Variants in TIAM1 observed in about 807,000 individuals in gnomAD.
TIAM1 encodes TIAM Rac1 associated GEF 1, also known as rho guanine nucleotide exchange factor TIAM1.
Under a neutral mutation model 163.5 loss-of-function variants are expected in TIAM1, and 65 were observed. That is an observed-to-expected ratio of 0.40 (90% CI 0.33 to 0.49). The LOEUF is 0.49. Ranked by LOEUF, TIAM1 falls within the 20% of genes least tolerant of loss-of-function variation. The pLI, the probability that TIAM1 is intolerant of heterozygous loss-of-function variation, is 0.77. For missense variants in TIAM1, 1,789 were observed against 2,044.7 expected (o/e 0.87, Z 2.41); for synonymous variants, 833 against 810.1 (o/e 1.03, Z -0.48).
At chr21:31,480,267 A>G (rs2046069092) in intron 1 of TIAM1, among the ~76,000 whole-genome samples, 1 of 152,248 alleles carries the variant, frequency 6.6e-6, no homozygotes, top group African/African-American at 2.4e-5. Flanking sequence ...CCATTAAATC[A>G]GTTAACCTAC....
At chr21:31,125,448 C>T (rs1254149562) in intron 26 of TIAM1, among the ~76,000 whole-genome samples, 1 of 152,188 alleles carries the variant, frequency 6.6e-6, no homozygotes, top group African/African-American at 2.4e-5. Flanking sequence ...ATACAAACAA[C>T]ATTTCACTTA....
chr21:31,549,878 C>T (rs780157935), intron 1 of TIAM1, among the ~76,000 whole-genome samples: 5 of 152,188 alleles, frequency 3.3e-5, no homozygotes, highest in Non-Finnish European at 4.4e-5. Flanking sequence ...AATCTCAGCA[C>T]TTTGGGAGGC....
chr21:31,264,634 C>T (rs1439075769), intron 4 of TIAM1, among the ~76,000 whole-genome samples: 2 of 152,198 alleles, frequency 1.3e-5, no homozygotes, highest in Non-Finnish European at 2.9e-5. Flanking sequence ...GGCAGGAACA[C>T]AGACAGTCTA....
At chr21:31,501,515 G>GACGGCTTTCTTTGGCCTTTCA (rs2046847959) in intron 1 of TIAM1, among the ~76,000 whole-genome samples, 1 of 151,892 alleles carries the variant, frequency 6.6e-6, no homozygotes, top group Non-Finnish European at 1.5e-5. Context: ...TTGGCCTTTC[G>GACGGCTTTCTTTGGCCTTTCA]TATCTACCTG....
At chr21:31,309,501 T>C (rs943543079) in intron 2 of TIAM1, among the ~76,000 whole-genome samples, 2 of 152,158 alleles carry the variant, frequency 1.3e-5, no homozygotes, top group Admixed American at 1.3e-4. Context: ...ACGAAACTCT[T>C]GCAAAATTAT....
intron 15 of TIAM1, among the ~76,000 whole-genome samples, chr21:31,166,975 A>G (rs1295471136): frequency 1.3e-5 from 2 of 152,216 alleles, no homozygotes; most frequent in Non-Finnish European, 2.9e-5. Flanking sequence ...CTGGAGTTGA[A>G]CAACCCATAT....
At chr21:31,547,184 C>T (rs535526268) in intron 1 of TIAM1, among the ~76,000 whole-genome samples, 7 of 152,218 alleles carry the variant, frequency 4.6e-5, no homozygotes, top group Non-Finnish European at 8.8e-5. Flanking sequence ...ATTAACTGGT[C>T]CTGTTTTAAA....
At chr21:31,471,531 G>A (rs902877107) in intron 1 of TIAM1, among the ~76,000 whole-genome samples, 4 of 152,142 alleles carry the variant, frequency 2.6e-5, no homozygotes, top group Admixed American at 1.3e-4. Flanking sequence ...TGACAAGGGA[G>A]GTTGATGGAA....
At chr21:31,364,912 C>T (rs1348977137) in intron 2 of TIAM1, among the ~76,000 whole-genome samples, 1 of 152,208 alleles carries the variant, frequency 6.6e-6, no homozygotes, top group African/African-American at 2.4e-5. Context: ...GAGCCATATA[C>T]TCTCTATTGA....
chr21:31,272,629 T>A (rs188348040), intron 3 of TIAM1, among the ~76,000 whole-genome samples: 74 of 152,304 alleles, frequency 4.9e-4, no homozygotes, highest in Non-Finnish European at 7.1e-4. Flanking sequence ...TTCCTGTGAA[T>A]CATAATTATT....
intron 2 of TIAM1, among the ~76,000 whole-genome samples, chr21:31,399,426 A>G (rs988860800): frequency 6.6e-6 from 1 of 152,204 alleles, no homozygotes; most frequent in South Asian, 2.1e-4. Flanking sequence ...ATTATATACA[A>G]TACATTATTG....
chr21:31,240,393 G>C (rs1044278630), intron 6 of TIAM1, among the ~76,000 whole-genome samples: 1 of 152,112 alleles, frequency 6.6e-6, no homozygotes, highest in Non-Finnish European at 1.5e-5. Context: ...AGTAAAAACA[G>C]CAAGTTTTGT....
intron 2 of TIAM1, among the ~76,000 whole-genome samples, chr21:31,397,291 T>G (rs1220447991): frequency 6.6e-6 from 1 of 152,184 alleles, no homozygotes; most frequent in Non-Finnish European, 1.5e-5. Flanking sequence ...AGCAAAAAAC[T>G]GAGGCAGAGA....
chr21:31,453,573 G>A (rs907813290), intron 2 of TIAM1, among the ~76,000 whole-genome samples: 3 of 151,948 alleles, frequency 2.0e-5, no homozygotes, highest in East Asian at 1.9e-4. Context: ...CACGCCTGTA[G>A]TCCCAGCTAC....
chr21:31,511,562 C>T (rs2047210998), intron 1 of TIAM1, among the ~76,000 whole-genome samples: 1 of 152,162 alleles, frequency 6.6e-6, no homozygotes, highest in Admixed American at 6.5e-5. Context: ...TGAGGCAATA[C>T]TTACGCAGCA....
At chr21:31,355,527 TATTA>T (rs1264888527) in intron 2 of TIAM1, among the ~76,000 whole-genome samples, 3 of 116,402 alleles carry the variant, frequency 2.6e-5, no homozygotes, top group Non-Finnish European at 5.5e-5. Context: ...TTCTCTCCTT[TATTA>T]TTTATTTATT....
chr21:31,275,495 G>A (rs1020405364), intron 3 of TIAM1, among the ~76,000 whole-genome samples: 3 of 152,014 alleles, frequency 2.0e-5, no homozygotes, highest in Non-Finnish European at 2.9e-5. Flanking sequence ...ACCTAGCTTG[G>A]ACTTATTCTA....
intron 2 of TIAM1, among the ~76,000 whole-genome samples, chr21:31,443,361 G>A (rs549993286): frequency 2.5e-4 from 38 of 152,350 alleles, no homozygotes; most frequent in Non-Finnish European, 4.9e-4. Flanking sequence ...AATTACAGTA[G>A]AGATGCGTCC....
intron 2 of TIAM1, among the ~76,000 whole-genome samples, chr21:31,375,490 C>T (rs1174947235): frequency 8.5e-3 from 1 of 118 alleles, no homozygotes; most frequent in Non-Finnish European, 0.022. Context: ...TCCCCTTCGT[C>T]CACCTTTCTG....
Sources: allele counts gnomAD v4.1 joint callset (sites outside exome capture counted in the v4.1 genomes callset), GRCh38; gene constraint gnomAD v4.1.1; transcripts MANE v1.5; gene names NCBI Gene and HGNC (gene_info 2026-07-23, HGNC 2026-07-21).